BBS9: variants seen among roughly 807,000 people sequenced by gnomAD.
BBS9 encodes the protein Bardet-Biedl syndrome 9.
BBS9 carries 89 observed loss-of-function variants against 117.7 expected under a neutral mutation model. That is an observed-to-expected ratio of 0.76 (90% CI 0.64 to 0.90). The LOEUF (loss-of-function observed/expected upper bound fraction) is 0.90, where lower values mean the gene tolerates loss of function less well. Ranked by LOEUF, BBS9 falls within the 40% of genes least tolerant of loss-of-function variation. BBS9 has a pLI of 0.00. For missense variants in BBS9, 982 were observed against 1,042.2 expected (o/e 0.94, Z 0.80); for synonymous variants, 379 against 370.9 (o/e 1.02, Z -0.25).
At chr7:33,606,915 A>T (rs1255471716), downstream of BBS9, among the ~76,000 whole-genome samples, 1 of 151,942 alleles carries the variant, frequency 6.6e-6, no homozygotes, top group African/African-American at 2.4e-5. Context: ...TGTCTCTCTT[A>T]TATGCCCCTT....
At chr7:33,193,355 C>G (rs1784437153) in intron 5 of BBS9, among the ~76,000 whole-genome samples, 1 of 148,116 alleles carries the variant, frequency 6.8e-6, no homozygotes, top group African/African-American at 2.5e-5. Context: ...GACCTTTGTT[C>G]TGATTCTTGG....
intron 10 of BBS9, among the ~76,000 whole-genome samples, chr7:33,338,411 CT>C (rs1224382739): frequency 2.6e-5 from 4 of 152,172 alleles, no homozygotes; most frequent in South Asian, 4.2e-4. Flanking sequence ...AAATGCTGAA[CT>C]TTTTGATGAC....
intron 18 of BBS9, among the ~76,000 whole-genome samples, chr7:33,385,551 A>G (rs1825856220): frequency 6.6e-6 from 1 of 152,180 alleles, no homozygotes. Flanking sequence ...ACATGTGAAA[A>G]CATTTCAATC....
At chr7:33,553,436 C>T (rs924452270) in intron 21 of BBS9, among the ~76,000 whole-genome samples, 12 of 152,190 alleles carry the variant, frequency 7.9e-5, no homozygotes, top group Non-Finnish European at 1.6e-4. Flanking sequence ...ATTTGTCTCA[C>T]TTGACCTGTC....
chr7:33,503,936 A>C (rs1177520118), intron 19 of BBS9, among the ~76,000 whole-genome samples: 1 of 152,112 alleles, frequency 6.6e-6, no homozygotes, highest in Admixed American at 6.5e-5. Flanking sequence ...GGCCCCAGGG[A>C]TGTTAACTCT....
intron 21 of BBS9, among the ~76,000 whole-genome samples, chr7:33,595,264 A>C (rs1045432550): frequency 6.6e-6 from 1 of 152,218 alleles, no homozygotes; most frequent in Non-Finnish European, 1.5e-5. Flanking sequence ...GGCAATGTAC[A>C]GAATAGGAGA....
intron 19 of BBS9, among the ~76,000 whole-genome samples, chr7:33,450,633 G>A (rs779149762): frequency 6.6e-6 from 1 of 152,136 alleles, no homozygotes; most frequent in Non-Finnish European, 1.5e-5. Flanking sequence ...CTGATGTTGA[G>A]CATCTTTTCC....
chr7:33,265,320 G>T (rs917016739), intron 7 of BBS9, among the ~76,000 whole-genome samples: 19 of 152,072 alleles, frequency 1.2e-4, no homozygotes, highest in Admixed American at 2.0e-4. Context: ...AGAATCAGAT[G>T]AAGATATATT....
chr7:33,628,831 A>C (rs1012328433), intron 21 of BBS9, among the ~76,000 whole-genome samples: 1 of 152,264 alleles, frequency 6.6e-6, no homozygotes, highest in African/African-American at 2.4e-5. Flanking sequence ...TGCAGAATAC[A>C]AGCTTAATGT....
chr7:33,402,934 T>G (rs1829171531), intron 19 of BBS9, among the ~76,000 whole-genome samples: 1 of 152,126 alleles, frequency 6.6e-6, no homozygotes, highest in Non-Finnish European at 1.5e-5. Flanking sequence ...TACTTATAAG[T>G]GAGAACATGC....
intron 9 of BBS9, among the ~76,000 whole-genome samples, chr7:33,313,068 C>T (rs561228564): frequency 4.7e-5 from 7 of 148,816 alleles, no homozygotes; most frequent in South Asian, 2.1e-4. Flanking sequence ...TGTGTGTGCG[C>T]GCACAGGCAC....
In BBS9 at chr7:33,581,101, A is replaced by T. The variant is rs958622283; in HGVS notation, c.2522-23764A>T. 2.1e-4 allele frequency among the ~76,000 whole-genome samples: 31 copies of T among 145,426 alleles called. No homozygotes were observed. In the South Asian group the frequency reaches 3.0e-3, roughly 14 times the overall value. On this transcript the variant is annotated intron_variant, in intron 21 of 22. Coordinates refer to ENST00000242067, the MANE Select transcript of BBS9 (RefSeq NM_198428.3). ...TTGTGTGTGTGTGTGTGTGTGAGAGAGAGAGAGAGAGAGAGGAAGAGAGTG... is the reference window on the plus strand; with the variant it reads ...TTGTGTGTGTGTGTGTGTGTGAGAGTGAGAGAGAGAGAGAGGAAGAGAGTG...
intron 22 of BBS9, 68 bp from the exon 23 acceptor site, chr7:33,605,127 C>G (rs1864403298): frequency 6.6e-7 from 1 of 1,524,632 alleles, no homozygotes. Context: ...TGAATTTGAT[C>G]CTTTGTGTAT....
At chr7:33,482,768 C>T (rs1842661180) in intron 19 of BBS9, among the ~76,000 whole-genome samples, 1 of 152,126 alleles carries the variant, frequency 6.6e-6, no homozygotes, top group Non-Finnish European at 1.5e-5. Flanking sequence ...AGGATTGGTG[C>T]TTCAGTGATT....
Position 33,473,336 on chromosome 7 carries a change from C to A in BBS9, c.2116-32127C>A, listed in dbSNP as rs55912151. On this transcript the variant is annotated intron_variant, in intron 19 of 22. Coordinates refer to ENST00000242067, the MANE Select transcript of BBS9 (RefSeq NM_198428.3). ...CCCTCACCCCACCCCCTCACCCCCC[C>A]GCCCCGAGGCAGAGTCTTGCTCTGT... is the stretch of plus-strand genomic sequence containing the variant. 6.2e-3 allele frequency among the ~76,000 whole-genome samples: 920 copies of A among 147,206 alleles called. 13 individuals are homozygous for A. The highest frequency in any genetic ancestry group is 0.022 in the African/African-American group (887 of 39,772).
At chr7:33,470,908 G>C (rs896490864) in intron 19 of BBS9, among the ~76,000 whole-genome samples, 2 of 152,112 alleles carry the variant, frequency 1.3e-5, no homozygotes, top group Admixed American at 1.3e-4. Flanking sequence ...TCAAAAGATG[G>C]GAGGGATAGA....
chr7:33,507,057 C>A (rs1051971314), intron 20 of BBS9, among the ~76,000 whole-genome samples: 39 of 152,122 alleles, frequency 2.6e-4, no homozygotes, highest in African/African-American at 9.2e-4. Context: ...AATCTCTCTT[C>A]TGTAGCTGTA....
chr7:33,400,808 T>C (rs1044683155), intron 19 of BBS9, among the ~76,000 whole-genome samples: 4 of 152,204 alleles, frequency 2.6e-5, no homozygotes, highest in Non-Finnish European at 5.9e-5. Context: ...GGTGCTGTAC[T>C]TCCTAAAAAG....
chr7:33,352,786 T>C, intron 14 of BBS9, 73 bp from the exon 15 acceptor site: 1 of 1,523,848 alleles, frequency 6.6e-7, no homozygotes, highest in Non-Finnish European at 9.1e-7. Flanking sequence ...CAAATTTGTG[T>C]TGTAACTTTA....
Sources: allele counts gnomAD v4.1 joint callset (sites outside exome capture counted in the v4.1 genomes callset), GRCh38; gene constraint gnomAD v4.1.1; transcripts MANE v1.5; gene names NCBI Gene and HGNC (gene_info 2026-07-23, HGNC 2026-07-21).